TIMD4: variants seen among roughly 807,000 people sequenced by gnomAD.
TIMD4 encodes T cell immunoglobulin and mucin domain containing 4.
A neutral mutation model predicts 41.2 loss-of-function variants in TIMD4; 31 were observed. The ratio of observed to expected loss-of-function variants is 0.75; its 90% confidence interval spans 0.57 to 1.01. The LOEUF is 1.01. Among genes scored for constraint, TIMD4 ranks in the 50% least tolerant of loss-of-function variants. The probability of loss-of-function intolerance (pLI) is 0.00; values close to 1 mark genes in which losing one functional copy is unlikely to be tolerated. For missense variants in TIMD4, 479 were observed against 472.5 expected (o/e 1.01, Z -0.13); for synonymous variants, 204 against 177.1 (o/e 1.15, Z -1.21).
intron 2 of TIMD4, 121 bp from the exon 3 acceptor site, chr5:156,951,911 T>C (rs1759868083): frequency 3.0e-6 from 4 of 1,331,616 alleles, no homozygotes; most frequent in Non-Finnish European, 3.1e-6. Flanking sequence ...GCCTGGACGA[T>C]TGTAATGCCC....
At chr5:156,962,536 C>T (rs1009660106) in intron 1 of TIMD4, among the ~76,000 whole-genome samples, 17 of 152,116 alleles carry the variant, frequency 1.1e-4, no homozygotes, top group African/African-American at 3.9e-4. Flanking sequence ...AGAGCCAGAG[C>T]AATTTAGACA....
At chr5:156,933,544 G>GTTGTTTTGTT (rs60102527) in intron 5 of TIMD4, among the ~76,000 whole-genome samples, 6,595 of 144,292 alleles carry the variant, frequency 0.046, 224 homozygotes, top group African/African-American at 0.083. Context: ...GGGTGAGAGT[G>GTTGTTTTGTT]TTGTTTTGTT....
chr5:156,955,603 C>T (rs1759957270), intron 1 of TIMD4, among the ~76,000 whole-genome samples: 1 of 152,010 alleles, frequency 6.6e-6, no homozygotes, highest in African/African-American at 2.4e-5. Flanking sequence ...TTGCAGTGAG[C>T]CGAGATCATG....
chr5:156,933,468 A>G (rs997966308), intron 5 of TIMD4, among the ~76,000 whole-genome samples: 2 of 137,128 alleles, frequency 1.5e-5, no homozygotes, highest in Non-Finnish European at 1.6e-5. Context: ...CCCCCCCCCA[A>G]AAAAAGCTGA....
intron 2 of TIMD4, among the ~76,000 whole-genome samples, chr5:156,953,139 A>G (rs1759895060): frequency 6.6e-6 from 1 of 152,234 alleles, no homozygotes; most frequent in Non-Finnish European, 1.5e-5. Flanking sequence ...CAAGTATTTT[A>G]TAAAATAATA....
intron 5 of TIMD4, among the ~76,000 whole-genome samples, chr5:156,930,993 G>A (rs1209016814): frequency 6.6e-6 from 1 of 152,170 alleles, no homozygotes; most frequent in Non-Finnish European, 1.5e-5. Flanking sequence ...GTAATTACAA[G>A]GGTCCTTATG....
At chr5:156,959,814 T>C (rs560228786) in intron 1 of TIMD4, among the ~76,000 whole-genome samples, 8 of 152,148 alleles carry the variant, frequency 5.3e-5, no homozygotes, top group African/African-American at 1.9e-4. Context: ...CTGATACAGG[T>C]GGATCACCTG....
At chr5:156,932,760 A>C (rs1026380858) in intron 5 of TIMD4, among the ~76,000 whole-genome samples, 2 of 152,224 alleles carry the variant, frequency 1.3e-5, no homozygotes, top group African/African-American at 2.4e-5. Context: ...TAATCCCAGC[A>C]CTTTGGGAGG....
chr5:156,956,332 T>TA (rs911539795), intron 1 of TIMD4, among the ~76,000 whole-genome samples: 67 of 148,994 alleles, frequency 4.5e-4, no homozygotes, highest in South Asian at 1.1e-3. Context: ...AGCTGTGCCA[T>TA]AAAAAAAAAA....
At chr5:156,923,242 G>A (rs1243983205) in intron 6 of TIMD4, among the ~76,000 whole-genome samples, 2 of 149,552 alleles carry the variant, frequency 1.3e-5, no homozygotes, top group Non-Finnish European at 3.0e-5. Context: ...TCTGCCTCCC[G>A]AGTTCAAGCA....
At chr5:156,949,125 T>C (rs1164871052) in intron 4 of TIMD4, among the ~76,000 whole-genome samples, 4 of 152,192 alleles carry the variant, frequency 2.6e-5, no homozygotes, top group Admixed American at 6.5e-5. Context: ...TCGTGTCTTA[T>C]TTCAGGGTAT....
chr5:156,957,512 C>CAAAAAAAAAAAAAAAAAAAAAAAAAAA (rs3068101), intron 1 of TIMD4, among the ~76,000 whole-genome samples: 1 of 113,866 alleles, frequency 8.8e-6, no homozygotes, highest in African/African-American at 3.5e-5. Context: ...GAGTCTATCT[C>CAAAAAAAAAAAAAAAAAAAAAAAAAAA]AAAAAAAAAA....
intron 6 of TIMD4, 61 bp downstream of exon 6, chr5:156,926,202 C>T (rs992080679): frequency 6.3e-7 from 1 of 1,575,578 alleles, no homozygotes; most frequent in African/African-American, 1.4e-5. Flanking sequence ...CCGTGCCTGG[C>T]CACTACTGTG....
In TIMD4 at chr5:156,951,745, G is replaced by A; in HGVS notation, c.446C>T (p.Thr149Ile). Residue 149 changes from threonine (T) to isoleucine (I), a missense_variant, in exon 3 of 9, where the codon ACA becomes ATA. Physicochemically the swap from Thr to Ile is moderately conservative, Grantham distance 89. Coordinates refer to ENST00000274532, the MANE Select transcript of TIMD4 (RefSeq NM_138379.3). Reference protein sequence around the residue: ...HRTATTTTRRTTTTSPTTTRQ... With the variant: ...HRTATTTTRRITTTSPTTTRQ... ...GGTGGTGGTGGGGCTTGTTGTTGTTGTTCTGCGTGTGGTGGTGGTTGCTGT... is the reference window on the plus strand; with the variant it reads ...GGTGGTGGTGGGGCTTGTTGTTGTTATTCTGCGTGTGGTGGTGGTTGCTGT... 8.7e-6 allele frequency: 14 copies of A among 1,614,070 alleles called. No individual in the cohort carries two copies. Among genetic ancestry groups the A allele is most frequent in the Non-Finnish European group, 1.2e-5 (14 of 1,180,016 alleles).
At chr5:156,934,653 G>T (rs1260324252) in intron 5 of TIMD4, among the ~76,000 whole-genome samples, 3 of 151,924 alleles carry the variant, frequency 2.0e-5, no homozygotes. Flanking sequence ...GCTGAAAGAA[G>T]TTACATTGAT....
chr5:156,931,943 A>G (rs917225646), intron 5 of TIMD4, among the ~76,000 whole-genome samples: 7 of 147,546 alleles, frequency 4.7e-5, no homozygotes, highest in African/African-American at 1.8e-4. Context: ...CTAATTCTGG[A>G]TATCTTTTTT....
At chr5:156,930,507 G>A (rs907506974) in intron 5 of TIMD4, among the ~76,000 whole-genome samples, 10 of 152,220 alleles carry the variant, frequency 6.6e-5, no homozygotes, top group African/African-American at 2.4e-4. Context: ...AGAAAGGAAT[G>A]TTCAGGACAG....
chr5:156,922,666 T>C (rs1010586062), intron 6 of TIMD4, among the ~76,000 whole-genome samples: 1 of 152,262 alleles, frequency 6.6e-6, no homozygotes, highest in African/African-American at 2.4e-5. Flanking sequence ...ATGATTTTCA[T>C]GAGACATTTT....
Position 156,919,486 on chromosome 5 carries a change from C to T in TIMD4, c.1108G>A (p.Glu370Lys), listed in dbSNP as rs369347920. 6.2e-7 allele frequency: 1 copy of T among 1,613,990 alleles called. No homozygotes were observed. Among genetic ancestry groups the T allele is most frequent in the Non-Finnish European group, 8.5e-7 (1 of 1,179,976 alleles). ...NVLNDVQHGR[E>K]DEDGLFTL ...AGGGTAAAAAGGCCGTCTTCGTCTTCCCTTCCATGCTGCACGTCATTGAGG... is the reference window on the plus strand; with the variant it reads ...AGGGTAAAAAGGCCGTCTTCGTCTTTCCTTCCATGCTGCACGTCATTGAGG... Residue 370 changes from glutamate to lysine, a missense_variant, in exon 9 of 9, where the codon GAA becomes AAA. Glu to Lys is a moderately conservative substitution (Grantham distance 56). Transcript: ENST00000274532.
Sources: gnomAD v4.1 joint callset for allele counts (sites outside exome capture counted in the v4.1 genomes callset) on GRCh38, gnomAD v4.1.1 for gene constraint, MANE v1.5 for transcripts, NCBI Gene and HGNC (gene_info 2026-07-23, HGNC 2026-07-21) for gene names.